The following TRPM3 variants were observed in gnomAD, a reference collection of about 807,000 sequenced individuals.
TRPM3 encodes long transient receptor potential channel 3.
In TRPM3, 77 loss-of-function variants were observed where a neutral mutation model predicts 181.2. The ratio of observed to expected loss-of-function variants is 0.42; its 90% CI spans 0.35 to 0.51. The LOEUF is 0.51. TRPM3 is among the 20% of genes least tolerant of loss of function. The probability of loss-of-function intolerance (pLI) is 0.01; values close to 1 mark genes in which losing one functional copy is unlikely to be tolerated. For synonymous variants in TRPM3, 745 were observed against 796.4 expected (o/e 0.94, Z 1.09); for missense variants, 1,759 against 2,196.7 (o/e 0.80, Z 3.98).
At position 70,536,113 on chromosome 9, in the gene TRPM3, G is replaced by C. The variant is rs199818154; in HGVS notation, c.5000C>G (p.Ser1667Cys). 2 of 1,614,210 alleles carry C rather than the reference G, an allele frequency of 1.2e-6. No individual in the cohort carries two copies. The highest frequency in any genetic ancestry group is 1.7e-6 in the Non-Finnish European group (2 of 1,180,036). Reference sequence around the variant, plus strand: ...CTGCCTGTCGAGTTTGTCACTGATGGAGAAGCTCTTCCTGGTGTGTGCATA... The same window carrying C: ...CTGCCTGTCGAGTTTGTCACTGATGCAGAAGCTCTTCCTGGTGTGTGCATA... ...APYAHTRKSF[S>C]ISDKLDRQRN... The change falls in exon 26 of 26, where the codon TCC becomes TGC. Residue 1667 changes from serine to cysteine, a missense_variant. Physicochemically the swap from Ser to Cys is moderately radical, Grantham distance 112. Transcript: ENST00000677713.
intron 1 of TRPM3, among the ~76,000 whole-genome samples, chr9:70,893,614 G>C (rs2096242827): frequency 6.6e-6 from 1 of 151,930 alleles, no homozygotes; most frequent in Non-Finnish European, 1.5e-5. Flanking sequence ...CCTAGATCTG[G>C]AAAAATTAGG....
At chr9:70,615,816 G>T in intron 18 of TRPM3, 92 bp downstream of exon 18, 3 of 1,309,984 alleles carry the variant, frequency 2.3e-6, no homozygotes, top group South Asian at 1.5e-5. Context: ...ACAGATGTCT[G>T]ACCTAAGGAG....
At chr9:71,186,394 A>G (rs2077681507) in intron 1 of TRPM3, among the ~76,000 whole-genome samples, 1 of 152,034 alleles carries the variant, frequency 6.6e-6, no homozygotes. Context: ...AATCTAAGTA[A>G]TCATATTATT....
At chr9:71,047,236 T>G (rs988628580) in intron 1 of TRPM3, among the ~76,000 whole-genome samples, 1 of 152,202 alleles carries the variant, frequency 6.6e-6, no homozygotes, top group Admixed American at 6.5e-5. Context: ...TTGGAATTAT[T>G]ACCACTAGAG....
chr9:70,799,926 A>C (rs1330927953), intron 6 of TRPM3, among the ~76,000 whole-genome samples: 1 of 152,202 alleles, frequency 6.6e-6, no homozygotes, highest in Non-Finnish European at 1.5e-5. Context: ...GTCAATTTGA[A>C]GACTTGATAC....
At chr9:70,615,845 A>G in intron 18 of TRPM3, 63 bp downstream of exon 18, 2 of 1,496,736 alleles carry the variant, frequency 1.3e-6, no homozygotes, top group East Asian at 2.3e-5. Flanking sequence ...TCTTGAGCAT[A>G]TCGGTGGGAC....
intron 1 of TRPM3, among the ~76,000 whole-genome samples, chr9:71,048,008 TATG>T (rs1198603381): frequency 2.6e-5 from 4 of 152,196 alleles, no homozygotes; most frequent in Admixed American, 2.6e-4. Context: ...TGTAGGAATG[TATG>T]ATTTTATTTT....
chr9:70,917,199 T>C (rs1257503437), intron 1 of TRPM3: 1 of 1,603,166 alleles, frequency 6.2e-7, no homozygotes, highest in Non-Finnish European at 8.5e-7. Context: ...AACACAACTT[T>C]ATTGAAGTCC....
At chr9:71,162,645 A>C (rs1454662463) in intron 1 of TRPM3, among the ~76,000 whole-genome samples, 1 of 152,162 alleles carries the variant, frequency 6.6e-6, no homozygotes, top group Non-Finnish European at 1.5e-5. Flanking sequence ...TAATTTAGAA[A>C]ATCTCTGCTA....
At chr9:70,694,501 G>T (rs898958918) in intron 8 of TRPM3, among the ~76,000 whole-genome samples, 4 of 151,860 alleles carry the variant, frequency 2.6e-5, no homozygotes, top group African/African-American at 4.8e-5. Context: ...TTTTTTTTGA[G>T]ACGGAGTCTT....
chr9:71,437,315 A>G (rs1374530721), intron 1 of TRPM3, among the ~76,000 whole-genome samples: 2 of 152,232 alleles, frequency 1.3e-5, no homozygotes, highest in East Asian at 1.9e-4. Flanking sequence ...GCAAACTCCA[A>G]ATAAAGGCCA....
intron 1 of TRPM3, among the ~76,000 whole-genome samples, chr9:71,421,065 C>T (rs1462246763): frequency 1.3e-5 from 2 of 149,712 alleles, no homozygotes; most frequent in African/African-American, 5.0e-5. Context: ...TTTGCAGCAA[C>T]ATGGACACAG....
intron 1 of TRPM3, among the ~76,000 whole-genome samples, chr9:71,248,231 T>C (rs1344653564): frequency 6.6e-6 from 1 of 152,234 alleles, no homozygotes; most frequent in Non-Finnish European, 1.5e-5. Flanking sequence ...CTGAATAGTC[T>C]AAGCAATCAT....
chr9:70,607,370 C>CTTAT (rs1323162950), intron 19 of TRPM3, among the ~76,000 whole-genome samples: 2 of 152,170 alleles, frequency 1.3e-5, no homozygotes, highest in African/African-American at 2.4e-5. Flanking sequence ...ACTGGCATAC[C>CTTAT]TTATTTCCAG....
chr9:71,099,752 A>G (rs995366553), intron 1 of TRPM3, among the ~76,000 whole-genome samples: 1 of 152,194 alleles, frequency 6.6e-6, no homozygotes, highest in Admixed American at 6.6e-5. Context: ...TATTCATTCA[A>G]AGTTAAGCTC....
At chr9:70,795,845 A>G (rs73647162) in intron 6 of TRPM3, among the ~76,000 whole-genome samples, 2,445 of 152,336 alleles carry the variant, frequency 0.016, 67 homozygotes, top group African/African-American at 0.055. Context: ...ATTAATGTCA[A>G]TACATTACCA....
chr9:71,395,681 G>T (rs2093173696), intron 1 of TRPM3, among the ~76,000 whole-genome samples: 1 of 152,190 alleles, frequency 6.6e-6, no homozygotes, highest in Non-Finnish European at 1.5e-5. Context: ...TCAAAATGTT[G>T]ACTAAGGTCT....
intron 22 of TRPM3, among the ~76,000 whole-genome samples, chr9:70,588,245 A>G (rs1000800748): frequency 6.6e-6 from 1 of 152,154 alleles, no homozygotes; most frequent in African/African-American, 2.4e-5. Context: ...CTCTGTGTTT[A>G]GAACAAATAA....
intron 1 of TRPM3, among the ~76,000 whole-genome samples, chr9:71,169,356 C>T (rs2076723570): frequency 6.6e-6 from 1 of 152,254 alleles, no homozygotes; most frequent in South Asian, 2.1e-4. Context: ...AACATTGATT[C>T]TACATAAGAA....
Sources: gnomAD v4.1 joint callset for allele counts (sites outside exome capture counted in the v4.1 genomes callset) on GRCh38, gnomAD v4.1.1 for gene constraint, MANE v1.5 for transcripts, NCBI Gene and HGNC (gene_info 2026-07-23, HGNC 2026-07-21) for gene names.